The following DEPDC4 variants were observed in gnomAD, a reference collection of about 807,000 sequenced individuals.
DEPDC4 encodes DEP domain containing 4, also known as DEP domain-containing protein 4.
DEPDC4 carries 52 observed loss-of-function variants against 52.0 expected under a neutral mutation model. The ratio of observed to expected loss-of-function variants is 1.00; its 90% CI spans 0.80 to 1.26. DEPDC4 has a LOEUF of 1.26. Ranked by LOEUF, DEPDC4 falls within the 50% of genes most tolerant of loss-of-function variation. The pLI is 0.00. For missense variants in DEPDC4, 530 were observed against 546.9 expected (o/e 0.97, Z 0.31); for synonymous variants, 201 against 196.8 (o/e 1.02, Z -0.18).
intron 3 of DEPDC4, among the ~76,000 whole-genome samples, chr12:100,258,248 G>C (rs2096241863): frequency 6.6e-6 from 1 of 152,186 alleles, no homozygotes; most frequent in South Asian, 2.1e-4. Context: ...GTATCAATAA[G>C]AAAACTGGAG....
At chr12:100,251,887 A>G (rs181381376) in intron 7 of DEPDC4, among the ~76,000 whole-genome samples, 202 of 151,304 alleles carry the variant, frequency 1.3e-3, no homozygotes, top group African/African-American at 4.7e-3. Flanking sequence ...TTCTGTATAG[A>G]TGGGGTTTTG....
chr12:100,249,694 T>C (rs956505897), intron 7 of DEPDC4, among the ~76,000 whole-genome samples: 2 of 152,148 alleles, frequency 1.3e-5, no homozygotes, highest in Non-Finnish European at 2.9e-5. Context: ...ACCTTTTCAT[T>C]AGCTTCCACT....
chr12:100,251,409 T>C (rs760579634), intron 7 of DEPDC4, among the ~76,000 whole-genome samples: 1 of 152,204 alleles, frequency 6.6e-6, no homozygotes, highest in Admixed American at 6.5e-5. Context: ...GTTTTACTAA[T>C]GCTACTGCTA....
intron 1 of DEPDC4, 142 bp downstream of exon 1, chr12:100,266,778 A>C: frequency 8.7e-7 from 1 of 1,154,206 alleles, no homozygotes; most frequent in East Asian, 2.4e-5. Context: ...CCCCCAGTCC[A>C]GTGCCTGGTA....
At chr12:100,235,424 G>A (rs186714430), downstream of DEPDC4, among the ~76,000 whole-genome samples, 19 of 148,250 alleles carry the variant, frequency 1.3e-4, no homozygotes, top group East Asian at 3.8e-3. Context: ...GGTGGTATTT[G>A]GTTACATGAA....
intron 7 of DEPDC4, among the ~76,000 whole-genome samples, chr12:100,250,066 C>A (rs892397357): frequency 2.0e-5 from 3 of 152,150 alleles, no homozygotes; most frequent in Non-Finnish European, 4.4e-5. Context: ...AATATCCCCA[C>A]CTCAGCCTCC....
intron 4 of DEPDC4, among the ~76,000 whole-genome samples, chr12:100,254,319 CTTTT>C (rs67921438): frequency 6.7e-5 from 6 of 89,430 alleles, no homozygotes; most frequent in Non-Finnish European, 1.0e-4. Context: ...TTTTTTTTGA[CTTTT>C]TTTTTTTTTT....
chr12:100,245,279 T>C (rs1453920404), intron 8 of DEPDC4, among the ~76,000 whole-genome samples: 6 of 152,088 alleles, frequency 3.9e-5, no homozygotes, highest in Non-Finnish European at 8.8e-5. Flanking sequence ...CACTTTTCTG[T>C]TTTTGGAGAC....
the DEPDC4 span, among the ~76,000 whole-genome samples, chr12:100,275,309 C>T: frequency 6.6e-6 from 1 of 152,010 alleles, no homozygotes; most frequent in Non-Finnish European, 1.5e-5. Context: ...TCAAGTGATC[C>T]TTCCACCTCA....
In DEPDC4 at chr12:100,263,550, G is replaced by C. The variant is rs77405504; in HGVS notation, c.501C>G (p.Tyr167Ter). ...CATCCTTTTGTCTTTTGCAACAATC[G>C]TAAGATGATTTATTGCCTAGAAACC... is the stretch of plus-strand genomic sequence containing the variant. ...LYRFLGNKSS[Y>*]DCCKRQKDAE... is the part of the protein sequence containing the mutation. The change falls in exon 2 of 10, where the codon TAC (tyrosine) becomes TAG (stop). Residue 167 changes from tyrosine (Y) to a stop codon, truncating the protein, a stop_gained. Transcript: ENST00000550587. LOFTEE classifies it high-confidence loss of function. 2.5e-6 allele frequency: 4 copies of C among 1,608,466 alleles called. No individual in the cohort carries two copies. The highest frequency in any genetic ancestry group is 3.4e-5 in the Admixed American group (2 of 58,806).
rs1238626760 is a variant in DEPDC4 at position 100,253,720 on chromosome 12, A to T, written c.879-5T>A. The T allele has an allele frequency of 1.6e-6, 2 of 1,279,072 alleles. No homozygotes were observed. Among genetic ancestry groups the T allele is most frequent in the South Asian group, 2.5e-5 (2 of 79,926 alleles). The allele number at this position is 1,279,072 out of a possible 1,614,324, so 79.2% of individuals were successfully genotyped here. A position where few individuals can be genotyped will look rare whatever the true frequency, so the allele number is the denominator to read the frequency against. ...GCATTAAGCCAGTTATCGATTCTAG[A>T]GGGAAAATGCAAACCAAAATAAAGC... is the stretch of plus-strand genomic sequence containing the variant. On this transcript the variant is annotated splice_region_variant and splice_polypyrimidine_tract_variant and intron_variant, in intron 4 of 9. Coordinates refer to ENST00000550587, the MANE Select transcript of DEPDC4 (RefSeq NM_001364818.2).
intron 7 of DEPDC4, 108 bp downstream of exon 7, chr12:100,252,068 T>C (rs2096210381): frequency 3.1e-6 from 3 of 978,808 alleles, no homozygotes; most frequent in South Asian, 3.2e-5. Flanking sequence ...CTTCAAACTT[T>C]GCACATTATA....
intron 8 of DEPDC4, among the ~76,000 whole-genome samples, chr12:100,246,353 TC>T (rs1488872861): frequency 6.6e-6 from 1 of 152,148 alleles, no homozygotes; most frequent in Non-Finnish European, 1.5e-5. Context: ...CATATCCCTG[TC>T]AGATTTTTAT....
the DEPDC4 span, among the ~76,000 whole-genome samples, chr12:100,277,146 T>C: frequency 0.024 from 3,720 of 152,352 alleles, 149 homozygotes; most frequent in African/African-American, 0.084. Flanking sequence ...TTGAGACTTA[T>C]TTCATAGCCC....
chr12:100,275,746 C>T, the DEPDC4 span, among the ~76,000 whole-genome samples: 2 of 152,142 alleles, frequency 1.3e-5, no homozygotes, highest in Non-Finnish European at 2.9e-5. Context: ...GGTATACTTA[C>T]CTTGTTCTGA....
chr12:100,235,026 T>C (rs1353698711), intron 9 of DEPDC4, among the ~76,000 whole-genome samples: 1 of 151,860 alleles, frequency 6.6e-6, no homozygotes, highest in East Asian at 1.9e-4. Context: ...TTTCACTGTT[T>C]ACAAGTTTCA....
At chr12:100,247,828 C>A (rs1166796896) in intron 8 of DEPDC4, among the ~76,000 whole-genome samples, 1 of 152,110 alleles carries the variant, frequency 6.6e-6, no homozygotes, top group African/African-American at 2.4e-5. Context: ...CCAAGCAATT[C>A]AAGCAAGTAC....
chr12:100,270,111 C>T (rs959215273), upstream of DEPDC4, among the ~76,000 whole-genome samples: 6 of 151,858 alleles, frequency 4.0e-5, no homozygotes, highest in Non-Finnish European at 7.4e-5. Flanking sequence ...CTCAGCCTCC[C>T]GAGTAGCTGG....
At chr12:100,270,524 T>C (rs1368992786), upstream of DEPDC4, among the ~76,000 whole-genome samples, 1 of 152,136 alleles carries the variant, frequency 6.6e-6, no homozygotes, top group Non-Finnish European at 1.5e-5. Context: ...GGAAGTAGCT[T>C]CAAAAAACTT....
Sources: gnomAD v4.1 joint callset for allele counts (sites outside exome capture counted in the v4.1 genomes callset) on GRCh38, gnomAD v4.1.1 for gene constraint, MANE v1.5 for transcripts, NCBI Gene and HGNC (gene_info 2026-07-23, HGNC 2026-07-21) for gene names.